The following CD163L1 variants were observed in gnomAD, a reference collection of about 807,000 sequenced individuals.
CD163L1 encodes scavenger receptor cysteine-rich type 1 protein M160.
A neutral mutation model predicts 165.4 loss-of-function variants in CD163L1; 124 were observed. That is an observed-to-expected ratio of 0.75 (90% CI 0.65 to 0.87). The LOEUF (loss-of-function observed/expected upper bound fraction) is 0.87, where lower values mean the gene tolerates loss of function less well. CD163L1 is among the 40% of genes least tolerant of loss of function. CD163L1 has a pLI of 0.00. For missense variants in CD163L1, 1,525 were observed against 1,799.9 expected (o/e 0.85, Z 2.76); for synonymous variants, 585 against 662.2 (o/e 0.88, Z 1.79).
At chr12:7,320,816 GA>G in the CD163L1 span, 4 of 1,599,702 alleles carry the variant, frequency 2.5e-6, no homozygotes, top group Non-Finnish European at 3.4e-6. Context: ...TACTTGGGCA[GA>G]AATCTCCATT....
At chr12:7,345,227 G>T (rs142602717), downstream of CD163L1, among the ~76,000 whole-genome samples, 332 of 150,550 alleles carry the variant, frequency 2.2e-3, 1 homozygote, top group African/African-American at 7.7e-3. Flanking sequence ...ACAACATTAA[G>T]TCATTTCTTT....
intron 6 of CD163L1, among the ~76,000 whole-genome samples, chr12:7,399,456 C>T (rs1947867406): frequency 6.7e-6 from 1 of 150,188 alleles, no homozygotes; most frequent in East Asian, 2.0e-4. Flanking sequence ...CCTCTTCCTC[C>T]CTTTCCCTTC....
rs750106684 is a variant in CD163L1 at position 7,376,085 on chromosome 12, TC to T, written c.2372-72del. 432 of 1,391,828 alleles carry T rather than the reference TC, an allele frequency of 3.1e-4. 1 individual carries two copies. The African/African-American group carries it at 4.5e-3, about 14-fold the overall frequency. 86.2% of individuals were successfully genotyped at this position (1,391,828 alleles called of 1,614,324 possible). On this transcript the variant is annotated intron_variant, in intron 9 of 19. Transcript: ENST00000313599. ...TCTATCCCTGTCTCCAGTCTCCATATCTAACCCCAGAGCAATTTTTCTCCAT... is the reference window on the plus strand; with the variant it reads ...TCTATCCCTGTCTCCAGTCTCCATATTAACCCCAGAGCAATTTTTCTCCAT...
At chr12:7,421,065 G>GTATATATACGTA (rs1379129678) in intron 4 of CD163L1, among the ~76,000 whole-genome samples, 5 of 82,918 alleles carry the variant, frequency 6.0e-5, no homozygotes, top group East Asian at 9.3e-4. Context: ...ACGTATATAT[G>GTATATATACGTA]TATATATACG....
the CD163L1 span, among the ~76,000 whole-genome samples, chr12:7,327,737 A>G: frequency 1.4e-5 from 2 of 143,798 alleles, no homozygotes; most frequent in African/African-American, 4.9e-5. Context: ...AATTCACTAA[A>G]TCATTGACTA....
intron 5 of CD163L1, 84 bp from the exon 6 acceptor site, chr12:7,403,939 A>C (rs1947964473): frequency 2.9e-6 from 3 of 1,034,240 alleles, no homozygotes; most frequent in Non-Finnish European, 4.3e-6. Context: ...CTCCAATGTG[A>C]AGATTAGATG....
intron 14 of CD163L1, 83 bp downstream of exon 14, chr12:7,373,237 T>C: frequency 8.4e-7 from 1 of 1,185,306 alleles, no homozygotes; most frequent in Non-Finnish European, 1.2e-6. Context: ...TGCCATGTGC[T>C]CCTGAATGGA....
the CD163L1 span, among the ~76,000 whole-genome samples, chr12:7,328,116 A>G: frequency 6.6e-6 from 1 of 152,170 alleles, no homozygotes; most frequent in South Asian, 2.1e-4. Context: ...CTACACTATC[A>G]CCCTTCCTAC....
chr12:7,326,911 T>C, the CD163L1 span: 2 of 1,495,566 alleles, frequency 1.3e-6, no homozygotes, highest in Non-Finnish European at 1.8e-6. Context: ...TGTTCAGCAT[T>C]TGTTGCAAAT....
chr12:7,323,348 A>G, the CD163L1 span: 1 of 1,600,856 alleles, frequency 6.2e-7, no homozygotes, highest in Admixed American at 1.7e-5. Context: ...GGTTCAGTAA[A>G]GGAGAGAGAA....
intron 2 of CD163L1, among the ~76,000 whole-genome samples, chr12:7,434,765 G>T (rs549746415): frequency 3.3e-4 from 50 of 152,074 alleles, no homozygotes; most frequent in Non-Finnish European, 5.4e-4. Flanking sequence ...CAATAGAAAA[G>T]GCTTCCCAGT....
downstream of CD163L1, among the ~76,000 whole-genome samples, chr12:7,350,584 T>A (rs1022545440): frequency 1.3e-5 from 2 of 152,214 alleles, no homozygotes; most frequent in Admixed American, 6.5e-5. Flanking sequence ...TATATCATAG[T>A]ACAGTTACTC....
At chr12:7,394,954 G>T (rs182294687) in intron 8 of CD163L1, among the ~76,000 whole-genome samples, 1 of 152,142 alleles carries the variant, frequency 6.6e-6, no homozygotes, top group South Asian at 2.1e-4. Context: ...GTGGATGCTG[G>T]AGAGGATGTG....
At chr12:7,438,543 A>C (rs1948770528) in intron 2 of CD163L1, among the ~76,000 whole-genome samples, 1 of 152,210 alleles carries the variant, frequency 6.6e-6, no homozygotes, top group South Asian at 2.1e-4. Context: ...TACCTCTAAA[A>C]ACCATCCTGA....
chr12:7,353,175 AATGAT>A (rs1309581855), downstream of CD163L1, among the ~76,000 whole-genome samples: 32 of 152,208 alleles, frequency 2.1e-4, no homozygotes, highest in African/African-American at 7.7e-4. Flanking sequence ...AAATAAATGA[AATGAT>A]AAGTTTATAA....
intron 6 of CD163L1, among the ~76,000 whole-genome samples, chr12:7,399,686 C>T (rs993076513): frequency 2.6e-5 from 4 of 151,880 alleles, no homozygotes; most frequent in African/African-American, 9.7e-5. Context: ...TTCACTACAA[C>T]CTCTGCCTTC....
the CD163L1 span, chr12:7,323,224 C>T: frequency 1.6e-5 from 26 of 1,600,986 alleles, no homozygotes; most frequent in Non-Finnish European, 2.2e-5. Flanking sequence ...AAAGCTTGTC[C>T]TCTCAATAGG....
intron 4 of CD163L1, among the ~76,000 whole-genome samples, chr12:7,428,531 T>G (rs984968703): frequency 1.3e-5 from 2 of 152,038 alleles, no homozygotes; most frequent in Non-Finnish European, 2.9e-5. Flanking sequence ...CTTTCTCCAC[T>G]CAGAGTAGTA....
chr12:7,374,550 C>G lies in CD163L1; in HGVS notation c.3301G>C (p.Asp1101His). The G allele has an allele frequency of 6.2e-7, 1 of 1,614,220 alleles. No individual in the cohort carries two copies. The highest frequency in any genetic ancestry group is 8.5e-7 in the Non-Finnish European group (1 of 1,180,042). ...FGEGSGPIWL[D>H]DLNCTGMESH... ...TCCATTCCTGTGCAGTTCAGGTCAT[C>G]CAGCCAGATGGGCCCTGACCCCTCC... The change falls in exon 13 of 20, where the codon GAT (aspartate) becomes CAT (histidine). Residue 1101 changes from aspartate (D) to histidine (H), a missense_variant. Coordinates refer to ENST00000313599, the MANE Select transcript of CD163L1 (RefSeq NM_174941.6). The surrounding 1 kb of genome is among the most constrained non-coding windows in gnomAD (Gnocchi z 5.4).
Sources: allele counts gnomAD v4.1 joint callset (sites outside exome capture counted in the v4.1 genomes callset), GRCh38; gene constraint gnomAD v4.1.1; non-coding constraint Gnocchi (gnomAD v3.1); transcripts MANE v1.5; gene names NCBI Gene and HGNC (gene_info 2026-07-23, HGNC 2026-07-21).